The following TENM2 variants were observed in gnomAD, a reference collection of about 807,000 sequenced individuals.
The protein encoded by TENM2 is teneurin transmembrane protein 2.
TENM2 carries 52 observed loss-of-function variants against 245.2 expected under a neutral mutation model. The ratio of observed to expected loss-of-function variants is 0.21; its 90% confidence interval spans 0.17 to 0.27. TENM2 has a LOEUF of 0.27. Ranked by LOEUF, TENM2 falls within the 10% of genes least tolerant of loss-of-function variation. The pLI, the probability that TENM2 is intolerant of heterozygous loss-of-function variation, is 1.00. For missense variants in TENM2, 3,046 were observed against 3,666.8 expected, an observed-to-expected ratio of 0.83 and a Z score of 4.37; for synonymous variants, 1,363 against 1,438.9, an observed-to-expected ratio of 0.95 and a Z score of 1.19.
chr5:168,154,819 C>T (rs1022167705), intron 12 of TENM2, among the ~76,000 whole-genome samples: 13 of 152,160 alleles, frequency 8.5e-5, no homozygotes, highest in African/African-American at 3.1e-4. Context: ...TCACTGGCCT[C>T]CTAACACCCC....
the TENM2 span, among the ~76,000 whole-genome samples, chr5:167,117,845 A>C: frequency 6.7e-6 from 1 of 148,750 alleles, no homozygotes; most frequent in Admixed American, 6.8e-5. Context: ...CCAGTTGTGA[A>C]TACATGTCCA....
intron 1 of TENM2, among the ~76,000 whole-genome samples, chr5:167,288,981 G>A (rs953834139): frequency 2.0e-5 from 3 of 152,200 alleles, no homozygotes; most frequent in Non-Finnish European, 4.4e-5. Context: ...AGGAACTGTA[G>A]TTAACAGTAT....
intron 12 of TENM2, among the ~76,000 whole-genome samples, chr5:168,132,196 T>C (rs946240018): frequency 3.9e-5 from 6 of 152,072 alleles, no homozygotes; most frequent in Admixed American, 3.9e-4. Context: ...TGTTTTCACA[T>C]CACTGCAAAA....
intron 2 of TENM2, among the ~76,000 whole-genome samples, chr5:167,668,244 A>G (rs1401206570): frequency 3.3e-5 from 5 of 152,182 alleles, no homozygotes; most frequent in African/African-American, 1.2e-4. Flanking sequence ...AGCTCCACCA[A>G]GAGTCCCCTT....
intron 1 of TENM2, among the ~76,000 whole-genome samples, chr5:167,360,085 G>T (rs1031116261): frequency 6.6e-6 from 1 of 152,124 alleles, no homozygotes; most frequent in Non-Finnish European, 1.5e-5. Flanking sequence ...TTAGTATCTG[G>T]GTGATGAAGA....
chr5:167,375,249 G>A (rs1041682889), exon 2 of TENM2: 6 of 1,551,530 alleles, frequency 3.9e-6, no homozygotes, highest in Admixed American at 2.0e-5. Flanking sequence ...TCCCCACACC[G>A]AAGCGGCTAC....
intron 5 of TENM2, among the ~76,000 whole-genome samples, chr5:168,005,180 G>A (rs141283736): frequency 5.9e-5 from 9 of 152,290 alleles, no homozygotes; most frequent in Non-Finnish European, 1.3e-4. Context: ...GTGAAACACC[G>A]ATGGCTTGTT....
chr5:167,808,523 A>G (rs559747848), intron 2 of TENM2, among the ~76,000 whole-genome samples: 131 of 152,274 alleles, frequency 8.6e-4, no homozygotes, highest in African/African-American at 2.9e-3. Flanking sequence ...GTCTCCCAAA[A>G]TGCTAGAATT....
chr5:168,129,315 T>C (rs1754351790), intron 12 of TENM2: 1 of 152,216 alleles, frequency 6.6e-6, no homozygotes. Flanking sequence ...TTGGTACAGG[T>C]TTCACATCTT....
intron 7 of TENM2, among the ~76,000 whole-genome samples, chr5:168,069,652 G>A (rs1446886607): frequency 6.6e-6 from 1 of 152,168 alleles, no homozygotes; most frequent in Non-Finnish European, 1.5e-5. Context: ...TTTTACAGAT[G>A]GAAGAACTGA....
At chr5:167,396,700 A>G (rs1228435070) in intron 2 of TENM2, among the ~76,000 whole-genome samples, 2 of 152,164 alleles carry the variant, frequency 1.3e-5, no homozygotes, top group Non-Finnish European at 2.9e-5. Flanking sequence ...CTCCAGGGAA[A>G]GTAGTGTCCT....
At chr5:167,622,583 G>A (rs556273015) in intron 2 of TENM2, among the ~76,000 whole-genome samples, 40 of 152,232 alleles carry the variant, frequency 2.6e-4, no homozygotes, top group African/African-American at 9.6e-4. Context: ...ATATAGAGCA[G>A]AGGAAAAGAA....
At chr5:167,512,320 C>T (rs1027267577) in intron 2 of TENM2, among the ~76,000 whole-genome samples, 9 of 152,088 alleles carry the variant, frequency 5.9e-5, no homozygotes, top group African/African-American at 2.2e-4. Context: ...TTTGGCATGG[C>T]CCACACAGCT....
the TENM2 span, among the ~76,000 whole-genome samples, chr5:167,251,140 G>C: frequency 6.6e-6 from 1 of 152,092 alleles, no homozygotes; most frequent in African/African-American, 2.4e-5. Flanking sequence ...CAGAGGGATT[G>C]TGGAGTCAGG....
chr5:167,999,506 C>T (rs1784278749), intron 5 of TENM2, among the ~76,000 whole-genome samples: 1 of 152,212 alleles, frequency 6.6e-6, no homozygotes, highest in African/African-American at 2.4e-5. Flanking sequence ...TTTCAGAGGG[C>T]CTGTCAATTT....
chr5:168,247,271 C>T lies in TENM2; in HGVS notation c.6332C>T (p.Pro2111Leu), dbSNP rs969379556. The change falls in exon 27 of 29, where the codon CCC becomes CTC. Residue 2111 changes from proline (P) to leucine (L), a missense_variant. By Grantham distance (98) the Pro-to-Leu change is moderately conservative (BLOSUM62 -3). This residue lies in a region of TENM2 where 2,704 missense variants were observed against 3,331.9 expected (regional missense o/e 0.81). Coordinates refer to ENST00000518659, the Ensembl canonical transcript of TENM2. This position sits in a 1 kb window ranked among gnomAD's most constrained non-coding sequence, Gnocchi z 7.8. Reference sequence around the variant, plus strand: ...ATCAAGCCCGTCATAAGTGAGACTCCCCTCCCCGTTGACCTCTACCGCTAT... The same window carrying T: ...ATCAAGCCCGTCATAAGTGAGACTCTCCTCCCCGTTGACCTCTACCGCTAT... 1 of 1,613,954 alleles carries T rather than the reference C, an allele frequency of 6.2e-7. No homozygotes were observed. Among genetic ancestry groups the T allele is most frequent in the Non-Finnish European group, 8.5e-7 (1 of 1,179,902 alleles).
At chr5:168,220,725 C>T (rs768446743) in intron 23 of TENM2, among the ~76,000 whole-genome samples, 2 of 152,162 alleles carry the variant, frequency 1.3e-5, no homozygotes, top group Non-Finnish European at 1.5e-5. Flanking sequence ...CCTGTCAGGG[C>T]AGTGTGGTCA....
intron 1 of TENM2, among the ~76,000 whole-genome samples, chr5:167,370,953 G>A (rs1414259287): frequency 1.3e-5 from 2 of 152,310 alleles, no homozygotes; most frequent in East Asian, 3.9e-4. Flanking sequence ...GGCAAAATCA[G>A]TCTCCCATCG....
intron 12 of TENM2, among the ~76,000 whole-genome samples, chr5:168,140,325 C>A (rs1285434743): frequency 1.3e-5 from 2 of 151,780 alleles, no homozygotes; most frequent in Admixed American, 6.6e-5. Context: ...GCTAGGTGGA[C>A]TCATTGGCTT....
Sources: allele counts gnomAD v4.1 joint callset (sites outside exome capture counted in the v4.1 genomes callset), GRCh38; gene constraint gnomAD v4.1.1; regional missense constraint gnomAD v4.1.1; non-coding constraint Gnocchi (gnomAD v3.1); transcripts MANE v1.5; gene names NCBI Gene and HGNC (gene_info 2026-07-23, HGNC 2026-07-21).